The following ANK2 variants were observed in gnomAD, a reference collection of about 807,000 sequenced individuals.
The protein encoded by ANK2 is ankyrin-2.
ANK2 carries 83 observed loss-of-function variants against 360.5 expected under a neutral mutation model. The ratio of observed to expected loss-of-function variants is 0.23; its 90% CI spans 0.19 to 0.28. The LOEUF (loss-of-function observed/expected upper bound fraction) is 0.28. Ranked by LOEUF, ANK2 falls within the 10% of genes least tolerant of loss-of-function variation. ANK2 has a pLI of 1.00. For synonymous variants in ANK2, 1,740 were observed against 1,759.5 expected (o/e 0.99, Z 0.28); for missense variants, 4,201 against 4,795.7 (o/e 0.88, Z 3.66).
the ANK2 span, among the ~76,000 whole-genome samples, chr4:112,810,145 ATATATATATATATATTT>A: frequency 3.5e-5 from 2 of 56,700 alleles, no homozygotes; most frequent in East Asian, 1.1e-3. Context: ...ATATATATAT[ATATATATATATATATTT>A]TTTTTTTTTT....
At chr4:112,730,878 G>A in the ANK2 span, among the ~76,000 whole-genome samples, 6 of 151,372 alleles carry the variant, frequency 4.0e-5, no homozygotes, top group South Asian at 1.3e-3. Context: ...CGGTGGCTAC[G>A]CCTGTAGTCC....
chr4:113,076,440 C>A (rs1050975869), intron 1 of ANK2, among the ~76,000 whole-genome samples: 28 of 152,134 alleles, frequency 1.8e-4, no homozygotes, highest in African/African-American at 5.8e-4. Flanking sequence ...ATCCACCAAC[C>A]TTTTTGAAGG....
chr4:113,363,600 A>G (rs2096364451), intron 40 of ANK2, 131 bp downstream of exon 40: 2 of 979,046 alleles, frequency 2.0e-6, no homozygotes, highest in South Asian at 1.3e-5. Flanking sequence ...TCCTTGAGTA[A>G]TATCATTTTG....
intron 2 of ANK2, among the ~76,000 whole-genome samples, chr4:112,991,581 C>A (rs2046813634): frequency 6.7e-6 from 1 of 149,146 alleles, no homozygotes; most frequent in African/African-American, 2.5e-5. Context: ...GTATTCTCTT[C>A]AGAGCAAGCT....
chr4:113,011,921 A>G (rs1471816247), intron 2 of ANK2, among the ~76,000 whole-genome samples: 1 of 152,082 alleles, frequency 6.6e-6, no homozygotes, highest in Admixed American at 6.6e-5. Context: ...TTTTATATTT[A>G]AAAAATAAGT....
intron 2 of ANK2, among the ~76,000 whole-genome samples, chr4:113,191,792 T>C (rs180767566): frequency 2.0e-5 from 3 of 152,332 alleles, no homozygotes; most frequent in Admixed American, 1.3e-4. Flanking sequence ...ACATTTCCCT[T>C]TTTTACTATT....
upstream of ANK2, among the ~76,000 whole-genome samples, chr4:113,046,182 T>C (rs1001432170): frequency 4.6e-5 from 7 of 152,088 alleles, no homozygotes; most frequent in East Asian, 9.7e-4. Context: ...CTATAGAAAA[T>C]GTCAGAGAGA....
chr4:112,761,936 T>C, the ANK2 span, among the ~76,000 whole-genome samples: 1 of 152,236 alleles, frequency 6.6e-6, no homozygotes, highest in Non-Finnish European at 1.5e-5. Flanking sequence ...CTGCATTGGC[T>C]ACACCAAGTG....
intron 2 of ANK2, among the ~76,000 whole-genome samples, chr4:113,043,558 C>T (rs1366970590): frequency 6.6e-6 from 1 of 152,104 alleles, no homozygotes; most frequent in Non-Finnish European, 1.5e-5. Context: ...AGGCATGAGC[C>T]ACTGTGCCTG....
At chr4:112,800,432 C>T in the ANK2 span, among the ~76,000 whole-genome samples, 1 of 152,062 alleles carries the variant, frequency 6.6e-6, no homozygotes, top group Non-Finnish European at 1.5e-5. Context: ...ATATTTATAC[C>T]TCACAGGAAT....
chr4:113,053,481 G>C (rs1275488646), intron 1 of ANK2, among the ~76,000 whole-genome samples: 1 of 152,148 alleles, frequency 6.6e-6, no homozygotes, highest in African/African-American at 2.4e-5. Flanking sequence ...GGAAATGGGG[G>C]CTATTCTAAT....
chr4:113,145,996 G>T (rs775485891), intron 1 of ANK2: 21 of 1,289,610 alleles, frequency 1.6e-5, no homozygotes, highest in Non-Finnish European at 2.0e-5. Context: ...AAAGAACCTG[G>T]AGTGTGGGTA....
At chr4:112,811,199 A>G in the ANK2 span, among the ~76,000 whole-genome samples, 1 of 152,034 alleles carries the variant, frequency 6.6e-6, no homozygotes, top group Non-Finnish European at 1.5e-5. Context: ...GGCCTCCCAA[A>G]GTGCTGGGAT....
At chr4:112,721,370 T>C in the ANK2 span, among the ~76,000 whole-genome samples, 3 of 151,628 alleles carry the variant, frequency 2.0e-5, no homozygotes, top group Non-Finnish European at 4.4e-5. Flanking sequence ...TGAAACCCTG[T>C]CTCTACTAAA....
intron 1 of ANK2, among the ~76,000 whole-genome samples, chr4:113,142,923 G>A (rs923900548): frequency 2.8e-4 from 43 of 151,608 alleles, no homozygotes; most frequent in Middle Eastern, 3.4e-3. Context: ...CAAAAGGGAG[G>A]TTTATTGAAA....
Position 112,919,977 on chromosome 4 carries a change from C to T in ANK2, c.21+15463C>T, listed in dbSNP as rs147778488. On this transcript the variant is annotated intron_variant, in intron 2 of 30. Coordinates refer to the ANK2 transcript ENST00000503271. Reference sequence around the variant, plus strand: ...TAGAGTTGAATAATAATTTATTATACGTAGAGCTGAATAATAACATTATGG... The same window carrying T: ...TAGAGTTGAATAATAATTTATTATATGTAGAGCTGAATAATAACATTATGG... 9.1e-4 allele frequency among the ~76,000 whole-genome samples: 138 copies of T among 151,888 alleles called. 1 individual carries two copies. Among genetic ancestry groups the T allele is most frequent in the African/African-American group, 3.2e-3 (133 of 41,408 alleles).
intron 1 of ANK2, among the ~76,000 whole-genome samples, chr4:112,872,681 GT>G (rs2073632076): frequency 6.6e-6 from 1 of 152,124 alleles, no homozygotes; most frequent in African/African-American, 2.4e-5. Context: ...TTATTTTCTT[GT>G]AATTCTTTGT....
At chr4:113,085,217 T>G (rs2084053662) in intron 1 of ANK2, among the ~76,000 whole-genome samples, 1 of 152,262 alleles carries the variant, frequency 6.6e-6, no homozygotes, top group Admixed American at 6.5e-5. Context: ...TTTATTCATT[T>G]TGCTGATACA....
chr4:112,818,111 A>G (rs975469249), exon 1 of ANK2: 1 of 152,178 alleles, frequency 6.6e-6, no homozygotes, highest in Non-Finnish European at 1.5e-5. Flanking sequence ...CATGGATTAC[A>G]GTCTGAGGCT....
Sources: gnomAD v4.1 joint callset for allele counts (sites outside exome capture counted in the v4.1 genomes callset) on GRCh38, gnomAD v4.1.1 for gene constraint, MANE v1.5 for transcripts, NCBI Gene and HGNC (gene_info 2026-07-23, HGNC 2026-07-21) for gene names.